NOP58: variants seen among roughly 807,000 people sequenced by gnomAD.
NOP58 encodes NOP58 ribonucleoprotein.
Under a neutral mutation model 71.2 loss-of-function variants are expected in NOP58, and 44 were observed. The ratio of observed to expected loss-of-function variants is 0.62; its 90% CI spans 0.49 to 0.79. The LOEUF (loss-of-function observed/expected upper bound fraction) is 0.79. NOP58 is among the 30% of genes least tolerant of loss of function. The pLI is 0.00. For synonymous variants in NOP58, 228 were observed against 200.3 expected (o/e 1.14, Z -1.17); for missense variants, 538 against 620.2 (o/e 0.87, Z 1.41).
At chr2:202,269,161 TTATTTG>T (rs1163127326) in intron 1 of NOP58, among the ~76,000 whole-genome samples, 2 of 151,566 alleles carry the variant, frequency 1.3e-5, no homozygotes, top group Non-Finnish European at 2.9e-5. Flanking sequence ...AATTATTTAT[TTATTTG>T]TATTTGTATT....
intron 3 of NOP58, among the ~76,000 whole-genome samples, chr2:202,281,194 A>C (rs936018341): frequency 6.7e-6 from 1 of 149,450 alleles, no homozygotes; most frequent in Non-Finnish European, 1.5e-5. Flanking sequence ...GTGCAATGTC[A>C]CGGTATCACT....
At chr2:202,276,517 A>G in intron 2 of NOP58, 1 of 512,382 alleles carries the variant, frequency 2.0e-6, no homozygotes, top group Non-Finnish European at 3.9e-6. Context: ...GACAACGATG[A>G]ATCAACTATA....
At chr2:202,266,209 C>T (rs532219258) in intron 1 of NOP58, among the ~76,000 whole-genome samples, 1 of 152,064 alleles carries the variant, frequency 6.6e-6, no homozygotes, top group Non-Finnish European at 1.5e-5. Context: ...TTATTTCCTC[C>T]CGTTGAAGGG....
Position 202,284,325 on chromosome 2 carries a change from A to G in NOP58, c.298-20A>G, listed in dbSNP as rs774312057. ...AGTCTTTTTTTTTTTAATTTAATAT[A>G]GATGTTCATGTTCTTGTAGGAAAAG... On this transcript the variant is annotated intron_variant, in intron 4 of 14. Transcript: ENST00000264279. The G allele has an allele frequency of 2.2e-5, 34 of 1,551,412 alleles. 2 individuals are homozygous for G. The South Asian group carries it at 3.7e-4, about 17-fold the overall frequency.
intron 1 of NOP58, among the ~76,000 whole-genome samples, chr2:202,272,992 G>C (rs1688534606): frequency 6.6e-6 from 1 of 152,190 alleles, no homozygotes; most frequent in Non-Finnish European, 1.5e-5. Flanking sequence ...AAATTAGCCA[G>C]GTGTGGTGGC....
rs1358918171 is a variant in NOP58 at position 202,303,014 on chromosome 2, A to C, written c.1496A>C (p.Glu499Ala). Residue 499 changes from glutamate to alanine, a missense_variant, in exon 14 of 15, where the codon GAA (glutamate) becomes GCA (alanine). Transcript: ENST00000264279. ...GGTAAAAAGAAACACATTAAGGAAG[A>C]ACCACTTTCTGAGGAAGAACCATGT... ...KRGKKKHIKE[E>A]PLSEEEPCTS... is the part of the protein sequence containing the mutation. The C allele has an allele frequency of 2.5e-6, 4 of 1,612,950 alleles. No homozygotes were observed. The highest frequency in any genetic ancestry group is 3.4e-6 in the Non-Finnish European group (4 of 1,179,918).
chr2:202,300,644 G>GA (rs1385206931), intron 13 of NOP58, among the ~76,000 whole-genome samples: 2 of 152,072 alleles, frequency 1.3e-5, no homozygotes, highest in Non-Finnish European at 2.9e-5. Context: ...AGAATTAAGA[G>GA]AAAAAAGGAA....
At chr2:202,300,205 G>A (rs200929831) in intron 12 of NOP58, 29 bp from the exon 13 acceptor site, 20 of 1,551,774 alleles carry the variant, frequency 1.3e-5, no homozygotes, top group Admixed American at 6.7e-5. Context: ...ACTTGTTAGA[G>A]ATTTTCTAAA....
Position 202,299,461 on chromosome 2 carries a change from A to G in NOP58, c.1269-773A>G, listed in dbSNP as rs973574762. 3.5e-5 allele frequency among the ~76,000 whole-genome samples: 5 copies of G among 140,946 alleles called. No individual in the cohort carries two copies. In the East Asian group the frequency reaches 9.6e-4, roughly 27 times the overall value. 92.5% of individuals were successfully genotyped at this position (140,946 alleles called of 152,430 possible). A position where few individuals can be genotyped will look rare whatever the true frequency, so the allele number is the denominator to read the frequency against. On this transcript the variant is annotated intron_variant, in intron 12 of 14. Coordinates refer to ENST00000264279, the MANE Select transcript of NOP58 (RefSeq NM_015934.5). Reference sequence around the variant, plus strand: ...AATAGCCATACATTCTGCAATATTTATAGTCTATAACTTATTATCTCTAGT... The same window carrying G: ...AATAGCCATACATTCTGCAATATTTGTAGTCTATAACTTATTATCTCTAGT...
At chr2:202,274,615 G>A (rs1216768504) in intron 1 of NOP58, among the ~76,000 whole-genome samples, 2 of 151,702 alleles carry the variant, frequency 1.3e-5, no homozygotes, top group Admixed American at 6.6e-5. Flanking sequence ...AAAGGTTCTC[G>A]GCCAGGTGCA....
chr2:202,291,264 C>T lies in NOP58; in HGVS notation c.774C>T (p.Cys258=), dbSNP rs149235030. ...EEDICNILHL[C]TQVIEISEYR... ...ATATTTGCAATATTCTGCATCTTTG[C>T]ACCCAGGTAAATTTTACTCCTGGAG... The change falls in exon 8 of 15, where the codon TGC becomes TGT. Residue 258 remains cysteine (C), a synonymous_variant. Transcript: ENST00000264279. 7.5e-6 allele frequency: 12 copies of T among 1,601,828 alleles called. No individual in the cohort carries two copies. Among genetic ancestry groups the T allele is most frequent in the Middle Eastern group, 1.7e-4 (1 of 6,022 alleles).
intron 13 of NOP58, among the ~76,000 whole-genome samples, chr2:202,302,083 CTTTTTTTTTTTTTTT>C (rs71031885): frequency 3.3e-5 from 3 of 90,584 alleles, no homozygotes; most frequent in African/African-American, 4.6e-5. Context: ...TTTTTTTTTT[CTTTTTTTTTTTTTTT>C]TTTTTTTGAG....
At position 202,271,400 on chromosome 2, in the gene NOP58, CAA is replaced by C. The variant is rs780941347; in HGVS notation, c.46-3697_46-3696del. On this transcript the variant is annotated intron_variant, in intron 1 of 14. Coordinates refer to ENST00000264279, the MANE Select transcript of NOP58 (RefSeq NM_015934.5). Reference sequence around the variant, plus strand: ...GTGCAACCCCGACTTTACTAAAATACAAAAAAAAAAAAAAAAATTAGCCAGGC... The same window carrying C: ...GTGCAACCCCGACTTTACTAAAATACAAAAAAAAAAAAAAATTAGCCAGGC... Among the ~76,000 whole-genome samples the C allele has an allele frequency of 5.9e-3, 675 of 114,986 alleles. 5 individuals are homozygous for C. Among genetic ancestry groups the C allele is most frequent in the Non-Finnish European group, 7.4e-3 (413 of 55,536 alleles). 75.4% of individuals were successfully genotyped at this position (114,986 alleles called of 152,430 possible). A position where few individuals can be genotyped will look rare whatever the true frequency, so the allele number is the denominator to read the frequency against.
At chr2:202,283,861 G>T (rs1688748608) in intron 4 of NOP58, among the ~76,000 whole-genome samples, 1 of 152,138 alleles carries the variant, frequency 6.6e-6, no homozygotes, top group Non-Finnish European at 1.5e-5. Context: ...GCTGTCTTCT[G>T]GAAGCTTGTA....
intron 4 of NOP58, 74 bp downstream of exon 4, chr2:202,282,546 G>A (rs996997784): frequency 7.2e-7 from 1 of 1,394,864 alleles, no homozygotes; most frequent in East Asian, 2.4e-5. Flanking sequence ...CCTAGCCTTT[G>A]CAATAAGTTG....
At chr2:202,297,992 G>T in intron 12 of NOP58, 86 bp downstream of exon 12, 1 of 780,454 alleles carries the variant, frequency 1.3e-6, no homozygotes, top group Non-Finnish European at 2.0e-6. Context: ...ACTTCACCTT[G>T]ATGTGCCCAT....
chr2:202,292,528 C>T lies in NOP58; in HGVS notation c.781-249C>T, dbSNP rs539346349. On this transcript the variant is annotated intron_variant, in intron 8 of 14. Coordinates refer to ENST00000264279, the MANE Select transcript of NOP58 (RefSeq NM_015934.5). ...TGGCGGGCCCCTGTAGTCCCAGCTA[C>T]TCCAGAGGCTGAGGCAGGAGAATCA... 1.1e-4 allele frequency among the ~76,000 whole-genome samples: 16 copies of T among 152,088 alleles called. No homozygotes were observed. In the South Asian group the frequency reaches 3.1e-3, roughly 30 times the overall value.
intron 3 of NOP58, among the ~76,000 whole-genome samples, chr2:202,281,320 G>A (rs1024520582): frequency 6.6e-6 from 1 of 151,584 alleles, no homozygotes; most frequent in East Asian, 1.9e-4. Context: ...AGAGTGTTTC[G>A]TCATGTTAGC....
At chr2:202,280,434 C>G (rs910557467) in intron 3 of NOP58, among the ~76,000 whole-genome samples, 1 of 152,000 alleles carries the variant, frequency 6.6e-6, no homozygotes, top group African/African-American at 2.4e-5. Flanking sequence ...AGTAATTCTC[C>G]CAGGAGGCTG....
Sources: allele counts gnomAD v4.1 joint callset (sites outside exome capture counted in the v4.1 genomes callset), GRCh38; gene constraint gnomAD v4.1.1; transcripts MANE v1.5; gene names NCBI Gene and HGNC (gene_info 2026-07-23, HGNC 2026-07-21).